The following CSMD1 variants were observed in gnomAD, a reference collection of about 807,000 sequenced individuals.
CSMD1 encodes CUB and sushi domain-containing protein 1.
In CSMD1, 213 loss-of-function variants were observed where a neutral mutation model predicts 417.5. The ratio of observed to expected loss-of-function variants is 0.51; its 90% CI spans 0.46 to 0.57. CSMD1 has a LOEUF of 0.57. Among genes scored for constraint, CSMD1 ranks in the 20% least tolerant of loss-of-function variants. The probability of loss-of-function intolerance (pLI) is 0.00; values close to 1 mark genes in which losing one functional copy is unlikely to be tolerated. For missense variants in CSMD1, 6,923 were observed against 4,529.7 expected (o/e 1.53, Z -15.17); for synonymous variants, 2,862 against 1,736.8 (o/e 1.65, Z -16.11).
chr8:4,425,653 C>A (rs1006912094), intron 2 of CSMD1, among the ~76,000 whole-genome samples: 2 of 150,762 alleles, frequency 1.3e-5, no homozygotes, highest in African/African-American at 4.9e-5. Context: ...TCTTGTCTGC[C>A]TCACTTTGAG....
chr8:3,121,933 C>A (rs913035504), intron 41 of CSMD1, among the ~76,000 whole-genome samples: 1 of 152,080 alleles, frequency 6.6e-6, no homozygotes, highest in Non-Finnish European at 1.5e-5. Flanking sequence ...AAAGTTATTA[C>A]ATTTTATTTA....
Position 3,589,350 on chromosome 8 carries a change from C to G in CSMD1, c.1098-3090G>C, listed in dbSNP as rs541121525. ...GTGGAATCAATGCAGGGGTCCAACA[C>G]TGGACTGAGAAATGGATAAAGAAAA... On this transcript the variant is annotated intron_variant, in intron 8 of 69. Transcript: ENST00000635120. Among the ~76,000 whole-genome samples, 62 of 151,164 alleles carry G rather than the reference C, an allele frequency of 4.1e-4. 1 individual carries two copies. Among genetic ancestry groups the G allele is most frequent in the African/African-American group, 1.4e-3 (59 of 41,072 alleles).
At chr8:4,771,671 C>G (rs977693878) in intron 1 of CSMD1, among the ~76,000 whole-genome samples, 10 of 152,170 alleles carry the variant, frequency 6.6e-5, no homozygotes, top group African/African-American at 2.2e-4. Context: ...AAAACATACG[C>G]AAAGTAAAAA....
intron 26 of CSMD1, among the ~76,000 whole-genome samples, chr8:3,260,866 C>T (rs1413569332): frequency 6.6e-6 from 1 of 152,116 alleles, no homozygotes; most frequent in African/African-American, 2.4e-5. Flanking sequence ...AGACAAGCTA[C>T]AGACTGGGAG....
chr8:4,139,998 G>A (rs1176672562), intron 3 of CSMD1, among the ~76,000 whole-genome samples: 1 of 150,832 alleles, frequency 6.6e-6, no homozygotes, highest in South Asian at 2.1e-4. Flanking sequence ...CAGGTAGGAG[G>A]TAAATAGTTC....
chr8:4,235,361 T>G lies in CSMD1; in HGVS notation c.415+184592A>C, dbSNP rs945631570. On this transcript the variant is annotated intron_variant, in intron 3 of 69. Transcript: ENST00000635120. ...CTCATTAATCAAAAGACGTGTTTTG[T>G]TTTTTTTTTGTTTGTTTGTTTTTTG... Among the ~76,000 whole-genome samples, 17 of 55,918 alleles carry G rather than the reference T, an allele frequency of 3.0e-4. No individual in the cohort carries two copies. The East Asian group carries it at 3.5e-3, about 12-fold the overall frequency. The allele number at this position is 55,918 out of a possible 152,430, so 36.7% of individuals were successfully genotyped here.
intron 7 of CSMD1, among the ~76,000 whole-genome samples, chr8:3,632,819 G>A (rs1003634974): frequency 1.3e-5 from 2 of 152,174 alleles, no homozygotes; most frequent in South Asian, 2.1e-4. Context: ...AGACATCTGT[G>A]TCTATTGGTT....
intron 3 of CSMD1, among the ~76,000 whole-genome samples, chr8:4,150,040 G>C (rs774071637): frequency 6.6e-6 from 1 of 152,184 alleles, no homozygotes; most frequent in African/African-American, 2.4e-5. Context: ...GCACGTAAAA[G>C]GCACGTGTTG....
chr8:4,017,867 G>T (rs986284469), intron 4 of CSMD1, among the ~76,000 whole-genome samples: 7 of 152,136 alleles, frequency 4.6e-5, no homozygotes, highest in African/African-American at 1.7e-4. Flanking sequence ...ATCCATCATG[G>T]TTTTCAACTG....
intron 1 of CSMD1, among the ~76,000 whole-genome samples, chr8:4,796,871 C>A (rs569161499): frequency 6.6e-6 from 1 of 152,134 alleles, no homozygotes; most frequent in African/African-American, 2.4e-5. Context: ...TCAGGCAAGC[C>A]GCACATATGC....
chr8:4,437,587 G>A (rs954351212), intron 2 of CSMD1, among the ~76,000 whole-genome samples: 8 of 152,134 alleles, frequency 5.3e-5, no homozygotes, highest in African/African-American at 1.9e-4. Context: ...GGTTTAAAAT[G>A]TTTTTATTTC....
At chr8:4,695,770 T>G (rs1242742937) in intron 1 of CSMD1, among the ~76,000 whole-genome samples, 1 of 152,180 alleles carries the variant, frequency 6.6e-6, no homozygotes, top group Non-Finnish European at 1.5e-5. Flanking sequence ...GTGATATGTA[T>G]CCCCGATATA....
chr8:4,720,658 T>C (rs536916652), intron 1 of CSMD1, among the ~76,000 whole-genome samples: 19 of 152,272 alleles, frequency 1.2e-4, no homozygotes, highest in African/African-American at 4.1e-4. Flanking sequence ...CTAAACTCGA[T>C]TGATCCACCT....
chr8:4,506,444 C>A (rs549182829), intron 2 of CSMD1, among the ~76,000 whole-genome samples: 3 of 152,128 alleles, frequency 2.0e-5, no homozygotes, highest in Non-Finnish European at 4.4e-5. Flanking sequence ...CAGCAAACTT[C>A]CCACTCCCCT....
chr8:3,071,242 T>G (rs929986040), intron 49 of CSMD1, among the ~76,000 whole-genome samples: 1 of 152,194 alleles, frequency 6.6e-6, no homozygotes, highest in South Asian at 2.1e-4. Context: ...CAAAATATAT[T>G]AGTATGTATA....
intron 1 of CSMD1, among the ~76,000 whole-genome samples, chr8:4,891,364 T>C (rs552448320): frequency 7.9e-5 from 12 of 152,284 alleles, no homozygotes; most frequent in African/African-American, 2.9e-4. Context: ...TAGAGAGCAT[T>C]TTATTCATTG....
intron 2 of CSMD1, among the ~76,000 whole-genome samples, chr8:4,581,006 C>G (rs750209483): frequency 3.3e-4 from 50 of 152,182 alleles, no homozygotes; most frequent in Non-Finnish European, 7.1e-4. Context: ...TCACATGTAA[C>G]AGACATGTGG....
intron 1 of CSMD1, among the ~76,000 whole-genome samples, chr8:4,808,161 G>A (rs1194759623): frequency 1.3e-5 from 2 of 152,184 alleles, no homozygotes; most frequent in African/African-American, 2.4e-5. Context: ...CCGGCGGTGT[G>A]GAGTCACAGA....
At chr8:4,479,955 GTC>G (rs1402128764) in intron 2 of CSMD1, among the ~76,000 whole-genome samples, 3 of 144,580 alleles carry the variant, frequency 2.1e-5, no homozygotes, top group Non-Finnish European at 4.5e-5. Flanking sequence ...GACACAGCAA[GTC>G]TCTGTCTCAA....
Sources: gnomAD v4.1 joint callset for allele counts (sites outside exome capture counted in the v4.1 genomes callset) on GRCh38, gnomAD v4.1.1 for gene constraint, MANE v1.5 for transcripts, NCBI Gene and HGNC (gene_info 2026-07-23, HGNC 2026-07-21) for gene names.